OXNAD1: variants seen among roughly 807,000 people sequenced by gnomAD.
The protein encoded by OXNAD1 is oxidoreductase NAD binding domain containing 1, also known as oxidoreductase NAD-binding domain-containing protein 1.
Under a neutral mutation model 32.9 loss-of-function variants are expected in OXNAD1, and 34 were observed. That is an observed-to-expected ratio of 1.03 (90% CI 0.79 to 1.38). The LOEUF (loss-of-function observed/expected upper bound fraction) is 1.38. OXNAD1 is among the 40% of genes most tolerant of loss of function. The pLI, the probability that OXNAD1 is intolerant of heterozygous loss-of-function variation, is 0.00. For missense variants in OXNAD1, 407 were observed against 379.4 expected (o/e 1.07, Z -0.60); for synonymous variants, 134 against 135.2 (o/e 0.99, Z 0.06).
At chr3:16,324,713 T>TTATC (rs10677895) in intron 9 of OXNAD1, among the ~76,000 whole-genome samples, 60,658 of 144,240 alleles carry the variant, frequency 0.42, 13,032 homozygotes, top group East Asian at 0.46. Context: ...CACATTTTCT[T>TTATC]CATCCATCTG....
chr3:16,276,994 G>C (rs2065384555), intron 4 of OXNAD1, among the ~76,000 whole-genome samples: 1 of 149,440 alleles, frequency 6.7e-6, no homozygotes, highest in African/African-American at 2.5e-5. Context: ...GTGCGATCTT[G>C]GCTCACTGCA....
chr3:16,282,116 C>T (rs1224756553), intron 4 of OXNAD1, among the ~76,000 whole-genome samples: 7 of 142,452 alleles, frequency 4.9e-5, no homozygotes, highest in African/African-American at 1.8e-4. Context: ...CTCCTGGGCT[C>T]AAGCTATCTG....
At chr3:16,328,944 C>T (rs917790554) in intron 9 of OXNAD1, among the ~76,000 whole-genome samples, 10 of 152,216 alleles carry the variant, frequency 6.6e-5, no homozygotes, top group African/African-American at 2.4e-4. Flanking sequence ...AATTCTGCCA[C>T]ACTGCAAGGG....
At chr3:16,309,942 G>T (rs2247316), downstream of OXNAD1, among the ~76,000 whole-genome samples, 99,065 of 152,102 alleles carry the variant, frequency 0.65, 33,337 homozygotes, top group African/African-American at 0.83. Flanking sequence ...TCAAATATTT[G>T]ATTGATTCTT....
rs941481418 is a variant in OXNAD1, at chr3:16,321,235, T to C, written c.*31-15877T>C. Among the ~76,000 whole-genome samples, 3 of 151,772 alleles carry C rather than the reference T, an allele frequency of 2.0e-5. No homozygotes were observed. Among genetic ancestry groups the C allele is most frequent in the Non-Finnish European group, 4.4e-5 (3 of 67,950 alleles). On this transcript the variant is annotated intron_variant, in intron 9 of 9. Coordinates refer to the OXNAD1 transcript ENST00000435829. The surrounding 1 kb of genome is among the most constrained non-coding windows in gnomAD (Gnocchi z 4.8). ...ATGGAGCTGGAGTCTTGGGGTGCAG[T>C]GAGGGCTGAAAATGCAGGCGGAATG...
chr3:16,293,935 C>T (rs1275680640), intron 5 of OXNAD1, among the ~76,000 whole-genome samples: 2 of 152,116 alleles, frequency 1.3e-5, no homozygotes, highest in Non-Finnish European at 2.9e-5. Context: ...GTCATTTATT[C>T]TACTGAGTGG....
chr3:16,333,186 A>G (rs2070497962), intron 9 of OXNAD1, among the ~76,000 whole-genome samples: 1 of 152,236 alleles, frequency 6.6e-6, no homozygotes, highest in Non-Finnish European at 1.5e-5. Context: ...GCTATTTTTA[A>G]CAGCTAAATC....
chr3:16,331,284 T>C lies in OXNAD1; in HGVS notation c.*31-5828T>C, dbSNP rs1171146074. ...GCAGGGTGTGCTTATACTACTCTTA[T>C]TTTACTTATCAGTTTTAGGTATCCT... On this transcript the variant is annotated intron_variant, in intron 9 of 9. Coordinates refer to the OXNAD1 transcript ENST00000435829. 3.3e-5 allele frequency among the ~76,000 whole-genome samples: 5 copies of C among 152,226 alleles called. No individual in the cohort carries two copies. In the East Asian group the frequency reaches 5.8e-4, roughly 18 times the overall value.
In OXNAD1 at chr3:16,301,840, CA is replaced by C; in HGVS notation, c.653del (p.Asn218IlefsTer14). The C allele has an allele frequency of 6.2e-7, 1 of 1,613,694 alleles. No individual in the cohort carries two copies. Among genetic ancestry groups the C allele is most frequent in the Admixed American group, 1.7e-5 (1 of 59,956 alleles). ...GGAACAATAAAACTATTCTACAGTG[CA>C]AAAAATACCAGCGAACTCCTGTTTA... The part of the protein sequence containing the change: ...EIGTIKLFYS[A>X]KNTSELLFKK... On this transcript the variant is annotated frameshift_variant, in exon 7 of 9. Transcript: ENST00000285083. LOFTEE classifies it high-confidence loss of function. The surrounding 1 kb of genome is among the most constrained non-coding windows in gnomAD (Gnocchi z 4.1).
Position 16,301,480 on chromosome 3 carries a change from A to G in OXNAD1, c.433-146A>G. The G allele has an allele frequency of 1.1e-6, 1 of 940,626 alleles. No homozygotes were observed. The highest frequency in any genetic ancestry group is 2.6e-5 in the East Asian group (1 of 37,942). 58.3% of individuals were successfully genotyped at this position (940,626 alleles called of 1,614,324 possible). A position where few individuals can be genotyped will look rare whatever the true frequency, so the allele number is the denominator to read the frequency against. On this transcript the variant is annotated intron_variant, in intron 6 of 8. Coordinates refer to ENST00000285083, the MANE Select transcript of OXNAD1 (RefSeq NM_138381.5). The surrounding 1 kb of genome is among the most constrained non-coding windows in gnomAD (Gnocchi z 4.1). ...AAATGAGCAAGTGGAATCAATTCAC[A>G]GGGCATCGGGAAAATTGGGAGCAAG...
chr3:16,333,888 G>A (rs1024342678), intron 9 of OXNAD1, among the ~76,000 whole-genome samples: 11 of 152,328 alleles, frequency 7.2e-5, no homozygotes, highest in South Asian at 2.1e-4. Context: ...ACTACCAGCC[G>A]GGCGTGGTGG....
chr3:16,343,440 T>A (rs1307351474), intron 9 of OXNAD1, among the ~76,000 whole-genome samples: 1 of 152,226 alleles, frequency 6.6e-6, no homozygotes. Flanking sequence ...TGATTACCCT[T>A]GTTTTTTCCT....
intron 9 of OXNAD1, among the ~76,000 whole-genome samples, chr3:16,325,014 A>G (rs917772731): frequency 2.6e-5 from 4 of 152,040 alleles, no homozygotes; most frequent in Admixed American, 6.6e-5. Flanking sequence ...GTGTGAGGCT[A>G]TATCTCACTG....
rs558057290 is a variant in OXNAD1 at position 16,286,378 on chromosome 3, G to T, written c.220G>T (p.Glu74Ter). Reference sequence around the variant, plus strand: ...AGCTAAGGTGTGTGGAGCTGCCAGTGAGTCACCGTCAGTGAAGAGCCTCCG... The same window carrying T: ...AGCTAAGGTGTGTGGAGCTGCCAGTTAGTCACCGTCAGTGAAGAGCCTCCG... ...SAAKVCGAAS[E>*]SPSVKSLRLL... The change falls in exon 5 of 9, where the codon GAG (glutamate) becomes TAG (stop). Residue 74 changes from glutamate to a stop codon, truncating the protein, a stop_gained. Transcript: ENST00000285083. LOFTEE classifies it high-confidence loss of function. 2.3e-4 allele frequency: 378 copies of T among 1,613,920 alleles called. 3 individuals are homozygous for T. The South Asian group carries it at 3.1e-3, about 13-fold the overall frequency.
chr3:16,274,082 A>G (rs2065150222), intron 4 of OXNAD1, among the ~76,000 whole-genome samples: 1 of 151,810 alleles, frequency 6.6e-6, no homozygotes, highest in African/African-American at 2.4e-5. Flanking sequence ...ATAGATGCTA[A>G]TGGCACGTCT....
intron 9 of OXNAD1, among the ~76,000 whole-genome samples, chr3:16,330,530 C>T (rs2070207097): frequency 1.3e-5 from 2 of 152,196 alleles, no homozygotes; most frequent in Admixed American, 1.3e-4. Flanking sequence ...ACTCAAAAGC[C>T]AGCCTGCTTA....
chr3:16,280,807 T>A lies in OXNAD1; in HGVS notation c.184-5535T>A, dbSNP rs1400669549. Among the ~76,000 whole-genome samples the A allele has an allele frequency of 3.3e-5, 5 of 152,236 alleles. No homozygotes were observed. The highest frequency in any genetic ancestry group is 1.9e-4 in the East Asian group (1 of 5,198). On this transcript the variant is annotated intron_variant, in intron 4 of 8. Coordinates refer to ENST00000285083, the MANE Select transcript of OXNAD1 (RefSeq NM_138381.5). This position sits in a 1 kb window ranked among gnomAD's most constrained non-coding sequence, Gnocchi z 4.5. Reference sequence around the variant, plus strand: ...AAACAAGTGTGATGGAATTTCCTTTTAGATGCTGACTCTGCCTCAGCATTA... The same window carrying A: ...AAACAAGTGTGATGGAATTTCCTTTAAGATGCTGACTCTGCCTCAGCATTA...
At position 16,297,293 on chromosome 3, in the gene OXNAD1, G is replaced by A. The variant is rs1302627082; in HGVS notation, c.432+2296G>A. 6.6e-6 allele frequency among the ~76,000 whole-genome samples: 1 copy of A among 152,194 alleles called. No individual in the cohort carries two copies. The highest frequency in any genetic ancestry group is 1.5e-5 in the Non-Finnish European group (1 of 68,030). On this transcript the variant is annotated intron_variant, in intron 6 of 8. Coordinates refer to ENST00000285083, the MANE Select transcript of OXNAD1 (RefSeq NM_138381.5). This position sits in a 1 kb window ranked among gnomAD's most constrained non-coding sequence, Gnocchi z 4.3. ...AAATTAAAACCATATGTGGTGGGAT[G>A]CCACTACGATCTAGTCTAATGTCTA...
At chr3:16,341,164 G>A (rs1049423738), downstream of OXNAD1, among the ~76,000 whole-genome samples, 8 of 152,330 alleles carry the variant, frequency 5.3e-5, no homozygotes, top group East Asian at 7.7e-4. The surrounding 1 kb of genome is among the most constrained non-coding windows in gnomAD (Gnocchi z 4.7). Context: ...ACTTAATGCC[G>A]GTGAGGATGT....
Sources: allele counts gnomAD v4.1 joint callset (sites outside exome capture counted in the v4.1 genomes callset), GRCh38; gene constraint gnomAD v4.1.1; non-coding constraint Gnocchi (gnomAD v3.1); transcripts MANE v1.5; gene names NCBI Gene and HGNC (gene_info 2026-07-23, HGNC 2026-07-21).